Variants in IKZF2 observed in about 807,000 individuals in gnomAD.
IKZF2 encodes the protein zinc finger protein Helios.
In IKZF2, 15 loss-of-function variants were observed where a neutral mutation model predicts 49.2. The ratio of observed to expected loss-of-function variants is 0.30; its 90% CI spans 0.20 to 0.47. The LOEUF (loss-of-function observed/expected upper bound fraction) is 0.47, where lower values mean the gene tolerates loss of function less well. Among genes scored for constraint, IKZF2 ranks in the 20% least tolerant of loss-of-function variants. The pLI is 1.00. For synonymous variants in IKZF2, 227 were observed against 221.4 expected (o/e 1.03, Z -0.23); for missense variants, 567 against 664.6 (o/e 0.85, Z 1.61).
chr2:213,113,863 A>C (rs2059791189), intron 4 of IKZF2, among the ~76,000 whole-genome samples: 1 of 152,186 alleles, frequency 6.6e-6, no homozygotes, highest in Non-Finnish European at 1.5e-5. Context: ...AAGGATACAC[A>C]AGTTTGACAG....
chr2:213,114,333 C>T (rs547605890), intron 4 of IKZF2, among the ~76,000 whole-genome samples: 1 of 152,144 alleles, frequency 6.6e-6, no homozygotes, highest in Admixed American at 6.5e-5. Context: ...GTTACAGAAA[C>T]ATCTAAAACG....
At chr2:213,109,456 C>T (rs931256720) in intron 4 of IKZF2, among the ~76,000 whole-genome samples, 3 of 151,018 alleles carry the variant, frequency 2.0e-5, no homozygotes, top group Admixed American at 6.6e-5. Flanking sequence ...TTCACTCCAA[C>T]CTTGACCACA....
chr2:213,017,806 A>G (rs1483559087), intron 7 of IKZF2, among the ~76,000 whole-genome samples: 1 of 152,184 alleles, frequency 6.6e-6, no homozygotes, highest in Non-Finnish European at 1.5e-5. Context: ...ACATAGTACT[A>G]TAATTGTTGT....
At chr2:213,019,354 TAA>T (rs1441572993) in intron 7 of IKZF2, among the ~76,000 whole-genome samples, 1 of 152,178 alleles carries the variant, frequency 6.6e-6, no homozygotes, top group Non-Finnish European at 1.5e-5. Flanking sequence ...GGAATAGATA[TAA>T]GTTTCATCAT....
intron 4 of IKZF2, among the ~76,000 whole-genome samples, chr2:213,122,780 A>G (rs1323201538): frequency 6.6e-6 from 1 of 152,240 alleles, no homozygotes; most frequent in Non-Finnish European, 1.5e-5. Flanking sequence ...TAGCCTAGAT[A>G]ATCAAAAGAA....
rs1323619822 is a variant in IKZF2, at chr2:213,049,732, T to G, written c.555A>C (p.Gly185=). The change falls in exon 6 of 9, where the codon GGA becomes GGC. Residue 185 remains glycine (G), a synonymous_variant. Transcript: ENST00000434687. ...YACRRRDALT[G]HLRTHSVGKP... is the part of the protein sequence containing the mutation. ...ACTTACCAGAATGGGTCCTGAGGTG[T>G]CCTGTGAGGGCGTCCCTTCTTCTAC... 6.2e-7 allele frequency: 1 copy of G among 1,606,506 alleles called. No homozygotes were observed. Among genetic ancestry groups the G allele is most frequent in the East Asian group, 2.2e-5 (1 of 44,778 alleles).
chr2:213,015,912 C>T (rs1453102508), intron 7 of IKZF2, among the ~76,000 whole-genome samples: 2 of 151,900 alleles, frequency 1.3e-5, no homozygotes, highest in Non-Finnish European at 2.9e-5. Context: ...TAAGTTTCAC[C>T]CTGAATTTTC....
chr2:213,097,951 GA>G, intron 4 of IKZF2: 2 of 306,020 alleles, frequency 6.5e-6, no homozygotes, highest in Non-Finnish European at 1.3e-5. Flanking sequence ...CTATATTTTT[GA>G]AAAAGACCCT....
chr2:213,105,598 G>A (rs964758643), intron 4 of IKZF2, among the ~76,000 whole-genome samples: 1 of 144,648 alleles, frequency 6.9e-6, no homozygotes, highest in Non-Finnish European at 1.5e-5. Flanking sequence ...GAAGGGGGGG[G>A]TGGTATGTCA....
At position 213,088,294 on chromosome 2, in the gene IKZF2, T is replaced by C. The variant is rs868070083; in HGVS notation, c.140-31195A>G. On this transcript the variant is annotated intron_variant, in intron 4 of 8. Coordinates refer to ENST00000434687, the MANE Select transcript of IKZF2 (RefSeq NM_001387220.1). ...TTTTTCCATGTGTCTGTCAGCTACA[T>C]AAATGTCTTCTTTCGAGAAGTGTCT... 3.3e-4 allele frequency among the ~76,000 whole-genome samples: 50 copies of C among 152,354 alleles called. 1 individual carries two copies. The Middle Eastern group carries it at 0.014, about 41-fold the overall frequency.
intron 4 of IKZF2, among the ~76,000 whole-genome samples, chr2:213,131,306 T>C (rs1204377208): frequency 1.3e-5 from 2 of 152,176 alleles, no homozygotes; most frequent in African/African-American, 4.8e-5. Context: ...TCTTTGAGAT[T>C]TAGCTACTGG....
At chr2:213,137,308 C>T (rs1161092109) in intron 4 of IKZF2, among the ~76,000 whole-genome samples, 1 of 152,008 alleles carries the variant, frequency 6.6e-6, no homozygotes, top group Admixed American at 6.5e-5. Flanking sequence ...TTGCTGCTTT[C>T]AAGTAGTTTT....
chr2:213,021,718 T>C, intron 7 of IKZF2: 2 of 505,942 alleles, frequency 4.0e-6, no homozygotes, highest in South Asian at 3.2e-5. Flanking sequence ...CAGCTCTAAC[T>C]ATCTGGTTAG....
At chr2:213,014,807 C>A (rs1022181566) in intron 7 of IKZF2, 1 of 151,954 alleles carries the variant, frequency 6.6e-6, no homozygotes, top group Non-Finnish European at 1.5e-5. Context: ...ACAACTCAGA[C>A]AAGGCGAATC....
chr2:213,099,889 T>C (rs1049440392), intron 4 of IKZF2, among the ~76,000 whole-genome samples: 2 of 152,138 alleles, frequency 1.3e-5, no homozygotes, highest in Admixed American at 6.6e-5. Flanking sequence ...CACTTAATGA[T>C]AGTTATTACT....
chr2:213,054,471 C>A (rs1700962830), intron 5 of IKZF2, among the ~76,000 whole-genome samples: 1 of 152,026 alleles, frequency 6.6e-6, no homozygotes, highest in African/African-American at 2.4e-5. Context: ...TAAAGAAATG[C>A]AAATAGACTT....
At chr2:213,018,339 AATT>A (rs781516035) in intron 7 of IKZF2, among the ~76,000 whole-genome samples, 72 of 152,206 alleles carry the variant, frequency 4.7e-4, no homozygotes, top group South Asian at 8.3e-4. Flanking sequence ...CATAAAACTC[AATT>A]ATTATTTCCA....
chr2:213,111,805 A>G (rs1303567011), intron 4 of IKZF2, among the ~76,000 whole-genome samples: 1 of 152,132 alleles, frequency 6.6e-6, no homozygotes, highest in African/African-American at 2.4e-5. Flanking sequence ...TTCACTGTCT[A>G]TAGAGAAAAT....
chr2:213,074,375 T>C (rs563523423), intron 4 of IKZF2, among the ~76,000 whole-genome samples: 5 of 152,306 alleles, frequency 3.3e-5, no homozygotes, highest in African/African-American at 1.2e-4. Flanking sequence ...CTGCACAGCA[T>C]GTTACTGTAC....
Sources: allele counts gnomAD v4.1 joint callset (sites outside exome capture counted in the v4.1 genomes callset), GRCh38; gene constraint gnomAD v4.1.1; transcripts MANE v1.5; gene names NCBI Gene and HGNC (gene_info 2026-07-23, HGNC 2026-07-21).